Variants in VSIR observed in about 807,000 individuals in gnomAD.
VSIR encodes the protein V-type immunoglobulin domain-containing suppressor of T-cell activation.
A neutral mutation model predicts 31.0 loss-of-function variants in VSIR; 10 were observed. That is an observed-to-expected ratio of 0.32 (90% CI 0.20 to 0.55). VSIR has a LOEUF of 0.55. Ranked by LOEUF, VSIR falls within the 20% of genes least tolerant of loss-of-function variation. The pLI is 0.93. For missense variants in VSIR, 356 were observed against 416.2 expected (o/e 0.86, Z 1.26); for synonymous variants, 179 against 180.1 (o/e 0.99, Z 0.05).
intron 1 of VSIR, among the ~76,000 whole-genome samples, chr10:71,769,656 A>AG (rs1387696239): frequency 6.6e-6 from 1 of 152,168 alleles, no homozygotes; most frequent in East Asian, 1.9e-4. Flanking sequence ...ACAAAGGGGA[A>AG]GTGTGTGTTT....
intron 3 of VSIR, among the ~76,000 whole-genome samples, chr10:71,759,936 T>TACACACACATATATACAC: frequency 1.9e-5 from 1 of 52,950 alleles, no homozygotes; most frequent in East Asian, 8.3e-4. Flanking sequence ...CACACATATA[T>TACACACACATATATACAC]ACACACACAC....
At chr10:71,762,107 C>T (rs1017578895) in intron 1 of VSIR, 81 bp from the exon 2 acceptor site, 13 of 1,437,018 alleles carry the variant, frequency 9.0e-6, no homozygotes, top group Non-Finnish European at 1.1e-5. Context: ...AGAACCTTAG[C>T]CTCTGCTACT....
rs1360394135 is a variant in VSIR at position 71,751,056 on chromosome 10, G to A, written c.*197C>T. On this transcript the variant is annotated 3_prime_UTR_variant, in exon 7 of 7. Transcript: ENST00000394957. The surrounding 1 kb of genome is among the most constrained non-coding windows in gnomAD (Gnocchi z 4.9). ...AGCACCCCAAAATCCTTGGAACAGG[G>A]GCTGAGCCGTCCAGCATCCCCATGT... 1.6e-6 allele frequency: 1 copy of A among 627,710 alleles called. No individual in the cohort carries two copies. The allele number at this position is 627,710 out of a possible 1,614,324, so 38.9% of individuals were successfully genotyped here. A position where few individuals can be genotyped will look rare whatever the true frequency, so the allele number is the denominator to read the frequency against.
At chr10:71,763,879 C>CTGAT (rs1564782520) in intron 1 of VSIR, among the ~76,000 whole-genome samples, 4 of 152,130 alleles carry the variant, frequency 2.6e-5, no homozygotes, top group Admixed American at 6.5e-5. Context: ...GTGTGAATGA[C>CTGAT]TGATAACAAC....
chr10:71,752,288 G>T (rs1840024917), intron 5 of VSIR, among the ~76,000 whole-genome samples: 1 of 152,220 alleles, frequency 6.6e-6, no homozygotes, highest in Admixed American at 6.5e-5. Context: ...TCCCAGTTGG[G>T]AGTGGGATAA....
intron 4 of VSIR, 100 bp downstream of exon 4, chr10:71,755,259 T>C (rs903011522): frequency 4.8e-6 from 5 of 1,049,740 alleles, no homozygotes; most frequent in Non-Finnish European, 7.0e-6. Context: ...GAAAAGGAAT[T>C]GTGCCTGCAT....
intron 4 of VSIR, 45 bp from the exon 5 acceptor site, chr10:71,753,047 T>TA (rs763136961): frequency 6.2e-7 from 1 of 1,601,890 alleles, no homozygotes; most frequent in Non-Finnish European, 8.5e-7. Context: ...AGGGAAGGCT[T>TA]CCCCATACAA....
At chr10:71,762,075 C>A in intron 1 of VSIR, 49 bp from the exon 2 acceptor site, 1 of 1,529,090 alleles carries the variant, frequency 6.5e-7, no homozygotes, top group South Asian at 1.3e-5. Flanking sequence ...CAGTGCTACT[C>A]CTGGCAACCC....
intron 3 of VSIR, among the ~76,000 whole-genome samples, chr10:71,756,182 G>A (rs1394824085): frequency 2.6e-5 from 4 of 152,102 alleles, no homozygotes; most frequent in Non-Finnish European, 5.9e-5. Context: ...AAAAATATTC[G>A]AATCTCCTCC....
rs3833469 is a variant in VSIR, at chr10:71,760,860, TC to T, written c.568+7del. 2.4e-4 allele frequency: 390 copies of T among 1,612,116 alleles called. 2 individuals carry two copies. In the East Asian group the frequency reaches 8.6e-3, roughly 36 times the overall value. ...GAACCCAAAAGGGGCAAGAGGTTGG[TC>T]CCTTACTTTCACTATCCTGGGAGGA... On this transcript the variant is annotated splice_region_variant and intron_variant, in intron 3 of 6. Coordinates refer to ENST00000394957, the MANE Select transcript of VSIR (RefSeq NM_022153.2).
At chr10:71,759,852 C>T (rs201558798) in intron 3 of VSIR, among the ~76,000 whole-genome samples, 55,647 of 77,848 alleles carry the variant, frequency 0.71, 23,169 homozygotes, top group South Asian at 0.8. Context: ...CACACATATA[C>T]ACACACACAC....
chr10:71,768,008 G>A (rs542213890), intron 1 of VSIR, among the ~76,000 whole-genome samples: 6 of 152,302 alleles, frequency 3.9e-5, no homozygotes, highest in Middle Eastern at 3.4e-3. Context: ...CCTTTTGGAG[G>A]AGGACTGTGT....
Position 71,751,170 on chromosome 10 carries a change from A to G in VSIR, c.*83T>C, listed in dbSNP as rs1306140457. 1.3e-6 allele frequency: 2 copies of G among 1,484,494 alleles called. No individual in the cohort carries two copies. The highest frequency in any genetic ancestry group is 1.8e-6 in the Non-Finnish European group (2 of 1,089,550). 92.0% of individuals were successfully genotyped at this position (1,484,494 alleles called of 1,614,324 possible). ...AGGGAGGGAACCAGGGCCGAGGCCA[A>G]GGAGGCCACTCACAGAGCCAGCCCT... On this transcript the variant is annotated 3_prime_UTR_variant, in exon 7 of 7. Coordinates refer to ENST00000394957, the MANE Select transcript of VSIR (RefSeq NM_022153.2). This position sits in a 1 kb window ranked among gnomAD's most constrained non-coding sequence, Gnocchi z 4.9.
chr10:71,751,763 T>C lies in VSIR; in HGVS notation c.803A>G (p.Gln268Arg). The change falls in exon 6 of 7, where the codon CAG (glutamine) becomes CGG (arginine). Residue 268 changes from glutamine (Q) to arginine (R), a missense_variant. Transcript: ENST00000394957. This position sits in a 1 kb window ranked among gnomAD's most constrained non-coding sequence, Gnocchi z 4.9. The part of the protein sequence containing the change: ...KVRHPLSYVA[Q>R]RQPSESGRHL... ...CCGCCCAGACTCAGAAGGCTGCCGC[T>C]GGGCCACATAGGACAGGGGGTGCCT... 6.2e-7 allele frequency: 1 copy of C among 1,604,222 alleles called. No individual in the cohort carries two copies. The highest frequency in any genetic ancestry group is 8.5e-7 in the Non-Finnish European group (1 of 1,175,028).
chr10:71,760,251 GTATA>G, intron 3 of VSIR, among the ~76,000 whole-genome samples: 1 of 85,410 alleles, frequency 1.2e-5, no homozygotes, highest in East Asian at 2.8e-4. Flanking sequence ...ATATATGTAT[GTATA>G]TATATGTATA....
intron 1 of VSIR, among the ~76,000 whole-genome samples, chr10:71,772,575 G>C (rs1840712591): frequency 6.6e-6 from 1 of 152,244 alleles, no homozygotes; most frequent in Non-Finnish European, 1.5e-5. Flanking sequence ...ACTTTGGAAG[G>C]GGAAAATGGT....
chr10:71,766,892 A>G (rs540527891), intron 1 of VSIR, among the ~76,000 whole-genome samples: 1 of 152,322 alleles, frequency 6.6e-6, no homozygotes, highest in East Asian at 1.9e-4. Flanking sequence ...AGCTATTTAG[A>G]AAAAATGAAC....
chr10:71,761,805 C>CGATGGAGGTAGG lies in VSIR; in HGVS notation c.303_304insCCTACCTCCATC (p.His101_Gly102insProThrSerIle). 6.2e-7 allele frequency: 1 copy of CGATGGAGGTAGG among 1,614,122 alleles called. No individual in the cohort carries two copies. Among genetic ancestry groups the CGATGGAGGTAGG allele is most frequent in the Non-Finnish European group, 8.5e-7 (1 of 1,180,020 alleles). On this transcript the variant is annotated inframe_insertion, in exon 2 of 7. Transcript: ENST00000394957. The stretch of plus-strand genomic sequence containing the variant: ...CTGGTGTTGGCAGCCTGGTGGCCTC[C>CGATGGAGGTAGG]ATGGTGCAGGTGAAGGTCCTGGAAC...
At chr10:71,754,402 C>G (rs1421497861) in intron 4 of VSIR, among the ~76,000 whole-genome samples, 1 of 152,134 alleles carries the variant, frequency 6.6e-6, no homozygotes, top group Admixed American at 6.5e-5. Context: ...AGTTGCGAGC[C>G]AAAAGCCACC....
Sources: allele counts gnomAD v4.1 joint callset (sites outside exome capture counted in the v4.1 genomes callset), GRCh38; gene constraint gnomAD v4.1.1; non-coding constraint Gnocchi (gnomAD v3.1); transcripts MANE v1.5; gene names NCBI Gene and HGNC (gene_info 2026-07-23, HGNC 2026-07-21).